Variants in SEC14L1 observed in about 807,000 individuals in gnomAD.
SEC14L1 encodes SEC14-like protein 1.
In SEC14L1, 48 loss-of-function variants were observed where a neutral mutation model predicts 85.3. That is an observed-to-expected ratio of 0.56 (90% CI 0.45 to 0.72). The LOEUF (loss-of-function observed/expected upper bound fraction) is 0.72, where lower values mean the gene tolerates loss of function less well. Among genes scored for constraint, SEC14L1 ranks in the 30% least tolerant of loss-of-function variants. The pLI, the probability that SEC14L1 is intolerant of heterozygous loss-of-function variation, is 0.00. For synonymous variants in SEC14L1, 391 were observed against 355.5 expected (o/e 1.10, Z -1.12); for missense variants, 682 against 921.4 (o/e 0.74, Z 3.36).
chr17:77,125,067 C>T (rs1242539825), intron 3 of SEC14L1, among the ~76,000 whole-genome samples: 1 of 151,388 alleles, frequency 6.6e-6, no homozygotes, highest in African/African-American at 2.4e-5. Flanking sequence ...TGCAGTGGCA[C>T]AATCTTGGCT....
chr17:77,155,968 C>G (rs960237685), intron 3 of SEC14L1, among the ~76,000 whole-genome samples: 3 of 152,202 alleles, frequency 2.0e-5, no homozygotes, highest in African/African-American at 4.8e-5. Flanking sequence ...CCTGCAGCCT[C>G]CTCTCCATGG....
intron 3 of SEC14L1, among the ~76,000 whole-genome samples, chr17:77,173,524 G>T (rs114033131): frequency 3.9e-5 from 6 of 152,038 alleles, no homozygotes; most frequent in Non-Finnish European, 8.8e-5. Context: ...TGGCTTTGAG[G>T]GGGTAGAGGT....
chr17:77,182,758 A>G (rs1276489641), intron 3 of SEC14L1, among the ~76,000 whole-genome samples: 2 of 152,224 alleles, frequency 1.3e-5, no homozygotes, highest in African/African-American at 2.4e-5. Flanking sequence ...GGGAGAGTTG[A>G]AAAAGGGGTT....
chr17:77,148,320 C>T (rs145615597), intron 3 of SEC14L1, among the ~76,000 whole-genome samples: 28 of 152,168 alleles, frequency 1.8e-4, no homozygotes, highest in South Asian at 8.3e-4. Context: ...CAGCCGCAGG[C>T]GAGATAGTGG....
At chr17:77,120,400 G>T (rs1377053779) in intron 3 of SEC14L1, among the ~76,000 whole-genome samples, 1 of 151,956 alleles carries the variant, frequency 6.6e-6, no homozygotes, top group Non-Finnish European at 1.5e-5. Context: ...GTCGCTGTGT[G>T]TCTGCGTGTT....
chr17:77,105,373 A>ACCCCC (rs796673679), intron 3 of SEC14L1, among the ~76,000 whole-genome samples: 68 of 82,442 alleles, frequency 8.2e-4, no homozygotes, highest in Non-Finnish European at 1.0e-3. Context: ...CTCGCTGACC[A>ACCCCC]CCCCCCCCCC....
chr17:77,125,011 T>C (rs9899422), intron 3 of SEC14L1, among the ~76,000 whole-genome samples: 1 of 111,868 alleles, frequency 8.9e-6, no homozygotes, highest in Non-Finnish European at 1.8e-5. Context: ...TTATTATTAT[T>C]ATATATTTTT....
chr17:77,202,076 A>G (rs1195864376), intron 9 of SEC14L1, among the ~76,000 whole-genome samples: 1 of 152,148 alleles, frequency 6.6e-6, no homozygotes, highest in Non-Finnish European at 1.5e-5. Context: ...CTCTAGGGAT[A>G]CACTATGGCC....
chr17:77,133,112 AT>A (rs1037456680), intron 3 of SEC14L1, among the ~76,000 whole-genome samples: 6 of 151,938 alleles, frequency 3.9e-5, no homozygotes, highest in Admixed American at 1.3e-4. Context: ...GGCTCAAGTG[AT>A]CCTCCTGCCT....
At chr17:77,148,427 C>T (rs1198141397) in intron 3 of SEC14L1, among the ~76,000 whole-genome samples, 1 of 152,136 alleles carries the variant, frequency 6.6e-6, no homozygotes, top group African/African-American at 2.4e-5. Flanking sequence ...CTGTGCATCC[C>T]AGGAGTTGCC....
chr17:77,169,338 G>A (rs1047376011), intron 3 of SEC14L1, among the ~76,000 whole-genome samples: 1 of 152,124 alleles, frequency 6.6e-6, no homozygotes, highest in Non-Finnish European at 1.5e-5. Context: ...CTGACCTGCG[G>A]GGTCTTTAAC....
At chr17:77,212,245 C>T (rs531273204) in intron 15 of SEC14L1, 44 bp downstream of exon 15, 46 of 1,601,820 alleles carry the variant, frequency 2.9e-5, no homozygotes, top group Middle Eastern at 3.3e-4. Flanking sequence ...TGACTCCACA[C>T]GGCCAGGTGA....
intron 3 of SEC14L1, among the ~76,000 whole-genome samples, chr17:77,104,790 CAAA>C (rs34654587): frequency 1.6e-4 from 18 of 115,788 alleles, no homozygotes; most frequent in Admixed American, 1.7e-4. Flanking sequence ...GACTCCATTT[CAAA>C]AAAAAAAAAA....
rs75417758 is a variant in SEC14L1 at position 77,199,781 on chromosome 17, G to A, written c.820-703G>A. On this transcript the variant is annotated intron_variant, in intron 8 of 16. Coordinates refer to ENST00000436233, the MANE Select transcript of SEC14L1 (RefSeq NM_001143998.2). Reference sequence around the variant, plus strand: ...AAATACTATAAAGATTATTCAAACTGATAATGCTGATTTTCTCTAGAGTAG... The same window carrying A: ...AAATACTATAAAGATTATTCAAACTAATAATGCTGATTTTCTCTAGAGTAG... 3.5e-3 allele frequency among the ~76,000 whole-genome samples: 533 copies of A among 152,312 alleles called. 1 individual carries two copies. Among genetic ancestry groups the A allele is most frequent in the African/African-American group, 0.012 (496 of 41,554 alleles).
Position 77,206,513 on chromosome 17 carries a change from T to C in SEC14L1, c.1341+113T>C. On this transcript the variant is annotated intron_variant, in intron 12 of 16. Coordinates refer to ENST00000436233, the MANE Select transcript of SEC14L1 (RefSeq NM_001143998.2). The surrounding 1 kb of genome is among the most constrained non-coding windows in gnomAD (Gnocchi z 4.3). ...CTTAACTTCTTAGGAAAAAAAACAA[T>C]AACATGCAAAGATATAAAATTTCTC... 1 of 1,335,860 alleles carries C rather than the reference T, an allele frequency of 7.5e-7. No individual in the cohort carries two copies. Among genetic ancestry groups the C allele is most frequent in the Non-Finnish European group, 1.0e-6 (1 of 982,410 alleles). 82.8% of individuals were successfully genotyped at this position (1,335,860 alleles called of 1,614,324 possible).
intron 8 of SEC14L1, among the ~76,000 whole-genome samples, chr17:77,197,819 T>C (rs1975893718): frequency 6.6e-6 from 1 of 152,196 alleles, no homozygotes; most frequent in Non-Finnish European, 1.5e-5. Flanking sequence ...TTGGCCAGGC[T>C]GGTCTCAAAC....
intron 3 of SEC14L1, among the ~76,000 whole-genome samples, chr17:77,115,383 C>T (rs969265909): frequency 6.6e-6 from 1 of 151,716 alleles, no homozygotes; most frequent in African/African-American, 2.4e-5. Flanking sequence ...GAGCTGAGAT[C>T]GTGCCATTGC....
chr17:77,186,347 G>A lies in SEC14L1; in HGVS notation c.64-4456G>A, dbSNP rs1356007183. On this transcript the variant is annotated intron_variant, in intron 3 of 16. Transcript: ENST00000436233. ...GAGTTCTTTCCTGGAAACGCTCTCCGCCTCGCTGGCTGTGAACAGACCCTG... is the reference window on the plus strand; with the variant it reads ...GAGTTCTTTCCTGGAAACGCTCTCCACCTCGCTGGCTGTGAACAGACCCTG... Among the ~76,000 whole-genome samples, 4 of 152,194 alleles carry A rather than the reference G, an allele frequency of 2.6e-5. No individual in the cohort carries two copies. The South Asian group carries it at 6.2e-4, about 24-fold the overall frequency.
intron 3 of SEC14L1, among the ~76,000 whole-genome samples, chr17:77,099,747 C>T (rs991386115): frequency 6.6e-6 from 1 of 152,096 alleles, no homozygotes; most frequent in Non-Finnish European, 1.5e-5. Flanking sequence ...CAGAGTGAGA[C>T]TCTCTCAAAC....
Sources: gnomAD v4.1 joint callset for allele counts (sites outside exome capture counted in the v4.1 genomes callset) on GRCh38, gnomAD v4.1.1 for gene constraint, Gnocchi (gnomAD v3.1) non-coding constraint, MANE v1.5 for transcripts, NCBI Gene and HGNC (gene_info 2026-07-23, HGNC 2026-07-21) for gene names.